Variants in DUSP22 observed in about 807,000 individuals in gnomAD.
DUSP22 encodes the protein dual specificity protein phosphatase 22.
A neutral mutation model predicts 24.5 loss-of-function variants in DUSP22; 24 were observed. The ratio of observed to expected loss-of-function variants is 0.98; its 90% confidence interval spans 0.71 to 1.38. The LOEUF (loss-of-function observed/expected upper bound fraction) is 1.38. Ranked by LOEUF, DUSP22 falls within the 40% of genes most tolerant of loss-of-function variation. The pLI is 0.00. For synonymous variants in DUSP22, 160 were observed against 106.4 expected (o/e 1.50, Z -3.10); for missense variants, 330 against 269.2 (o/e 1.23, Z -1.58).
chr6:292,701 T>A, intron 1 of DUSP22, 141 bp downstream of exon 1: 8 of 1,276,704 alleles, frequency 6.3e-6, no homozygotes, highest in Non-Finnish European at 7.2e-6. Context: ...GCGGCGCGCC[T>A]GGGCGGCGAC....
chr6:294,945 G>A (rs1229462663), intron 1 of DUSP22, among the ~76,000 whole-genome samples: 3 of 152,278 alleles, frequency 2.0e-5, no homozygotes, highest in Non-Finnish European at 2.9e-5. Flanking sequence ...CATGTTTAAC[G>A]TGAGATCAGG....
intron 1 of DUSP22, among the ~76,000 whole-genome samples, chr6:302,989 G>A (rs759755137): frequency 4.8e-4 from 73 of 152,372 alleles, no homozygotes; most frequent in South Asian, 6.2e-4. Flanking sequence ...GGACTCGGTC[G>A]GGCAAGGACC....
At position 316,924 on chromosome 6, in the gene DUSP22, A is replaced by G. The variant is rs969942218; in HGVS notation, c.138+4962A>G. On this transcript the variant is annotated intron_variant, in intron 3 of 6. Transcript: ENST00000419235. ...GGTATTGTATGTATATACCAGGTAG[A>G]TTTTATGAGCTAGAGTTCAGCTTGG... is the stretch of plus-strand genomic sequence containing the variant. 3.3e-5 allele frequency among the ~76,000 whole-genome samples: 5 copies of G among 152,424 alleles called. No individual in the cohort carries two copies. In the South Asian group the frequency reaches 1.0e-3, roughly 32 times the overall value.
chr6:346,023 T>G (rs1298749165), intron 5 of DUSP22, 95 bp downstream of exon 5: 1 of 1,472,912 alleles, frequency 6.8e-7, no homozygotes, highest in East Asian at 2.3e-5. Flanking sequence ...TGGTTTCACC[T>G]CCTAATAGTT....
intron 5 of DUSP22, among the ~76,000 whole-genome samples, chr6:346,589 T>C (rs1208932353): frequency 6.6e-6 from 1 of 152,312 alleles, no homozygotes; most frequent in East Asian, 1.9e-4. Context: ...GTAATCATGC[T>C]AATAACATGG....
At chr6:347,312 T>A (rs1759931162) in intron 5 of DUSP22, among the ~76,000 whole-genome samples, 1 of 152,310 alleles carries the variant, frequency 6.6e-6, no homozygotes, top group African/African-American at 2.4e-5. Context: ...GGCCTGATAT[T>A]CTAGGAATTA....
chr6:337,520 A>G (rs1274775475), intron 4 of DUSP22, among the ~76,000 whole-genome samples: 2 of 152,302 alleles, frequency 1.3e-5, no homozygotes, highest in Non-Finnish European at 2.9e-5. Flanking sequence ...GAGATATGCC[A>G]GCTTCTTCTC....
At chr6:304,509 T>C in intron 1 of DUSP22, 119 bp from the exon 2 acceptor site, 3 of 1,439,802 alleles carry the variant, frequency 2.1e-6, no homozygotes, top group Non-Finnish European at 2.9e-6. Flanking sequence ...GTCAGGGAGG[T>C]GCTGTACTGG....
At chr6:339,837 G>A (rs992270166) in intron 4 of DUSP22, among the ~76,000 whole-genome samples, 17 of 152,372 alleles carry the variant, frequency 1.1e-4, no homozygotes, top group East Asian at 3.9e-4. Flanking sequence ...TCTCATTTAC[G>A]TTTTTCTTTT....
At chr6:339,808 A>G (rs1444553461) in intron 4 of DUSP22, among the ~76,000 whole-genome samples, 1 of 152,304 alleles carries the variant, frequency 6.6e-6, no homozygotes, top group East Asian at 1.9e-4. Context: ...CACCTTCTGT[A>G]CTTTCAACTC....
chr6:350,563 G>C lies in DUSP22; in HGVS notation c.*1612G>C, dbSNP rs542278844. On this transcript the variant is annotated 3_prime_UTR_variant, in exon 7 of 7. Coordinates refer to ENST00000419235, the MANE Select transcript of DUSP22 (RefSeq NM_001286555.3). The stretch of plus-strand genomic sequence containing the variant: ...GGGAAAAACAAAGTTGCCTGATTCC[G>C]CGCAGGTGCACAGGCCCCGGATGTA... 11 of 1,380,486 alleles carry C rather than the reference G, an allele frequency of 8.0e-6. No homozygotes were observed. The highest frequency in any genetic ancestry group is 1.5e-5 in the African/African-American group (1 of 68,770). 85.5% of individuals were successfully genotyped at this position (1,380,486 alleles called of 1,614,324 possible).
At chr6:305,109 C>T (rs1435273138) in intron 2 of DUSP22, among the ~76,000 whole-genome samples, 16 of 152,414 alleles carry the variant, frequency 1.0e-4, no homozygotes, top group African/African-American at 3.6e-4. Context: ...GACACTTGGA[C>T]TGTTTCCACC....
At chr6:299,927 C>A (rs1262243213) in intron 1 of DUSP22, among the ~76,000 whole-genome samples, 4 of 152,296 alleles carry the variant, frequency 2.6e-5, no homozygotes, top group African/African-American at 9.6e-5. Flanking sequence ...CCTTTCCTCT[C>A]ACCCTGTTCA....
intron 1 of DUSP22, among the ~76,000 whole-genome samples, chr6:303,782 T>C (rs1293151794): frequency 6.6e-6 from 1 of 152,306 alleles, no homozygotes; most frequent in Non-Finnish European, 1.5e-5. Flanking sequence ...ACTTCGCAAA[T>C]TGTGGGTGTG....
In DUSP22 at chr6:350,821, G is replaced by A; in HGVS notation, c.*1870G>A. 6.2e-7 allele frequency: 1 copy of A among 1,614,268 alleles called. No homozygotes were observed. The highest frequency in any genetic ancestry group is 8.5e-7 in the Non-Finnish European group (1 of 1,180,028). On this transcript the variant is annotated 3_prime_UTR_variant, in exon 7 of 7. Coordinates refer to ENST00000419235, the MANE Select transcript of DUSP22 (RefSeq NM_001286555.3). ...TTGCCAGTAATGTTCTTTCTTCACA[G>A]CCGCTCCGGGAATTCTGAAGTTCTG... is the stretch of plus-strand genomic sequence containing the variant.
At chr6:314,208 T>C (rs1186961586) in intron 3 of DUSP22, among the ~76,000 whole-genome samples, 1 of 152,290 alleles carries the variant, frequency 6.6e-6, no homozygotes, top group African/African-American at 2.4e-5. Flanking sequence ...TAAGTGAGGG[T>C]GATAAATGGT....
In DUSP22 at chr6:298,592, A is replaced by G. The variant is rs555600740; in HGVS notation, c.21+6032A>G. 6.1e-3 allele frequency among the ~76,000 whole-genome samples: 922 copies of G among 152,084 alleles called. 1 individual carries two copies. The highest frequency in any genetic ancestry group is 0.021 in the African/African-American group (881 of 41,282). On this transcript the variant is annotated intron_variant, in intron 1 of 6. Coordinates refer to ENST00000419235, the MANE Select transcript of DUSP22 (RefSeq NM_001286555.3). Reference sequence around the variant, plus strand: ...TGTGGCTGAGGATTTGTGTTTTTGCATTTCTGTGAAGCTGTCCATCAGGAG... The same window carrying G: ...TGTGGCTGAGGATTTGTGTTTTTGCGTTTCTGTGAAGCTGTCCATCAGGAG...
chr6:311,213 G>C (rs1211066412), intron 2 of DUSP22, among the ~76,000 whole-genome samples: 1 of 152,310 alleles, frequency 6.6e-6, no homozygotes, highest in Non-Finnish European at 1.5e-5. Context: ...CATCAGTCTA[G>C]GGACCACATA....
intron 4 of DUSP22, among the ~76,000 whole-genome samples, chr6:339,923 C>A (rs534548477): frequency 9.0e-3 from 1,367 of 151,848 alleles, no homozygotes; most frequent in Non-Finnish European, 0.015. Flanking sequence ...TGCTTCCAGA[C>A]AGTTCCTGAG....
Sources: allele counts gnomAD v4.1 joint callset (sites outside exome capture counted in the v4.1 genomes callset), GRCh38; gene constraint gnomAD v4.1.1; transcripts MANE v1.5; gene names NCBI Gene and HGNC (gene_info 2026-07-23, HGNC 2026-07-21).